Variants in ARHGEF10L observed in about 807,000 individuals in gnomAD.
The protein encoded by ARHGEF10L is Rho guanine nucleotide exchange factor 10 like, also known as rho guanine nucleotide exchange factor 10-like protein.
ARHGEF10L carries 69 observed loss-of-function variants against 141.2 expected under a neutral mutation model. That is an observed-to-expected ratio of 0.49 (90% CI 0.40 to 0.60). ARHGEF10L has a LOEUF of 0.60. ARHGEF10L is among the 20% of genes least tolerant of loss of function. ARHGEF10L has a pLI of 0.00. For missense variants in ARHGEF10L, 1,482 were observed against 1,734.3 expected (o/e 0.85, Z 2.58); for synonymous variants, 711 against 718.5 (o/e 0.99, Z 0.17).
rs867220921 is a variant in ARHGEF10L at position 17,619,899 on chromosome 1, G to A, written c.942+454G>A. 1.3e-5 allele frequency among the ~76,000 whole-genome samples: 2 copies of A among 152,174 alleles called. No homozygotes were observed. The highest frequency in any genetic ancestry group is 2.1e-4 in the South Asian group (1 of 4,804). On this transcript the variant is annotated intron_variant, in intron 10 of 28. Transcript: ENST00000361221. The surrounding 1 kb of genome is among the most constrained non-coding windows in gnomAD (Gnocchi z 5.0). ...CAGGAACTGAGGCTCTTTAAGAATGGCTTCCTTGGCTGGGTGCGGTGGCTC... is the reference window on the plus strand; with the variant it reads ...CAGGAACTGAGGCTCTTTAAGAATGACTTCCTTGGCTGGGTGCGGTGGCTC...
At chr1:17,571,409 C>T (rs1316603269) in intron 1 of ARHGEF10L, among the ~76,000 whole-genome samples, 3 of 152,072 alleles carry the variant, frequency 2.0e-5, no homozygotes, top group Non-Finnish European at 2.9e-5. Flanking sequence ...GAATAGGAGA[C>T]AGGGACAGGA....
At position 17,624,000 on chromosome 1, in the gene ARHGEF10L, G is replaced by C. The variant is rs111509342; in HGVS notation, c.1201-387G>C. Among the ~76,000 whole-genome samples, 3 of 152,290 alleles carry C rather than the reference G, an allele frequency of 2.0e-5. No homozygotes were observed. Among genetic ancestry groups the C allele is most frequent in the African/African-American group, 7.2e-5 (3 of 41,566 alleles). On this transcript the variant is annotated intron_variant, in intron 12 of 28. Transcript: ENST00000361221. The surrounding 1 kb of genome is among the most constrained non-coding windows in gnomAD (Gnocchi z 4.7). ...AGAGGCCAGGAGCACTTTCCTTAAA[G>C]GTGGAGGGCAAGGGGCATTCGATTT...
At chr1:17,688,346 G>GC (rs1478112918) in intron 27 of ARHGEF10L, among the ~76,000 whole-genome samples, 1 of 152,178 alleles carries the variant, frequency 6.6e-6, no homozygotes, top group South Asian at 2.1e-4. Context: ...CTCACCAAAT[G>GC]CCCCCCAAGG....
intron 27 of ARHGEF10L, among the ~76,000 whole-genome samples, chr1:17,690,933 T>C (rs1194642600): frequency 6.6e-6 from 1 of 152,178 alleles, no homozygotes; most frequent in Admixed American, 6.5e-5. Flanking sequence ...ATTTTTTTCT[T>C]CCCCCACACC....
At chr1:17,680,111 A>T (rs1007633222) in intron 26 of ARHGEF10L, among the ~76,000 whole-genome samples, 2 of 138,416 alleles carry the variant, frequency 1.4e-5, no homozygotes, top group Admixed American at 7.2e-5. Flanking sequence ...GCCCCTGCCC[A>T]TCTGGGCCAC....
chr1:17,657,862 C>A (rs1238683154), intron 25 of ARHGEF10L, among the ~76,000 whole-genome samples: 1 of 152,210 alleles, frequency 6.6e-6, no homozygotes, highest in Non-Finnish European at 1.5e-5. Flanking sequence ...CGCTCTGGTC[C>A]CCAGCTTGGG....
chr1:17,639,876 C>A lies in ARHGEF10L; in HGVS notation c.2172-326C>A. ...TAAGGTGTCTAAGACCTGTGGACAG[C>A]TGACCGCTGACCAGGTGGAGTCACA... On this transcript the variant is annotated intron_variant, in intron 20 of 28. Coordinates refer to ENST00000361221, the MANE Select transcript of ARHGEF10L (RefSeq NM_018125.4). The surrounding 1 kb of genome is among the most constrained non-coding windows in gnomAD (Gnocchi z 4.3). The A allele has an allele frequency of 7.1e-7, 1 of 1,399,536 alleles. No homozygotes were observed. Among genetic ancestry groups the A allele is most frequent in the Non-Finnish European group, 9.4e-7 (1 of 1,059,918 alleles). The allele number at this position is 1,399,536 out of a possible 1,614,324, so 86.7% of individuals were successfully genotyped here. A position where few individuals can be genotyped will look rare whatever the true frequency, so the allele number is the denominator to read the frequency against.
chr1:17,590,051 C>G (rs2079397991), intron 4 of ARHGEF10L, among the ~76,000 whole-genome samples: 1 of 152,100 alleles, frequency 6.6e-6, no homozygotes, highest in South Asian at 2.1e-4. Flanking sequence ...CACTCACTTC[C>G]TTCAAGCTAC....
rs746974532 is a variant in ARHGEF10L at position 17,697,011 on chromosome 1, C to T, written c.3471C>T (p.Pro1157=). Residue 1157 remains proline, a synonymous_variant, in exon 29 of 29, where the codon CCC becomes CCT. Coordinates refer to ENST00000361221, the MANE Select transcript of ARHGEF10L (RefSeq NM_018125.4). The surrounding 1 kb of genome is among the most constrained non-coding windows in gnomAD (Gnocchi z 4.8). ...KPDGQAHEPM[P]DSHVGRELTR... ...ACGGGCAGGCACACGAGCCCATGCC[C>T]GATAGCCACGTGGGCCGAGAGCTGA... is the stretch of plus-strand genomic sequence containing the variant. 37 of 1,609,102 alleles carry T rather than the reference C, an allele frequency of 2.3e-5. No individual in the cohort carries two copies. The highest frequency in any genetic ancestry group is 9.9e-5 in the South Asian group (9 of 90,468).
intron 1 of ARHGEF10L, among the ~76,000 whole-genome samples, chr1:17,579,757 A>G (rs1023252114): frequency 1.3e-5 from 2 of 152,196 alleles, no homozygotes; most frequent in Non-Finnish European, 2.9e-5. Context: ...TCTCCTCCAC[A>G]AGATGTCTAG....
At chr1:17,540,879 G>A (rs1248041243) in intron 1 of ARHGEF10L, among the ~76,000 whole-genome samples, 2 of 152,150 alleles carry the variant, frequency 1.3e-5, no homozygotes, top group African/African-American at 2.4e-5. Context: ...GGGGAGAGAG[G>A]GCAGGTTGTG....
At chr1:17,652,293 G>A (rs534958785) in intron 22 of ARHGEF10L, among the ~76,000 whole-genome samples, 4 of 152,272 alleles carry the variant, frequency 2.6e-5, no homozygotes, top group South Asian at 2.1e-4. Context: ...CCCTGCCCAC[G>A]CTGGGCCACA....
chr1:17,537,038 TTTTTATTTTA>T (rs149201327), upstream of ARHGEF10L, among the ~76,000 whole-genome samples: 3 of 147,678 alleles, frequency 2.0e-5, no homozygotes, highest in Non-Finnish European at 4.5e-5. Flanking sequence ...TCTGGCTAGA[TTTTTATTTTA>T]TTTTATTTTA....
intron 7 of ARHGEF10L, among the ~76,000 whole-genome samples, chr1:17,608,692 T>C (rs1259955300): frequency 1.3e-5 from 2 of 152,308 alleles, no homozygotes; most frequent in East Asian, 3.9e-4. Flanking sequence ...TGTCTGTCCG[T>C]GCTGAGATTT....
At chr1:17,588,299 G>T in intron 3 of ARHGEF10L, 147 bp from the exon 4 acceptor site, 1 of 765,902 alleles carries the variant, frequency 1.3e-6, no homozygotes, top group Non-Finnish European at 2.2e-6. Flanking sequence ...CAGGGCTGGG[G>T]GAGGGAGGCG....
chr1:17,612,516 A>C (rs956479101), intron 7 of ARHGEF10L, among the ~76,000 whole-genome samples: 3 of 151,776 alleles, frequency 2.0e-5, no homozygotes, highest in East Asian at 3.9e-4. Context: ...CTACCCATCC[A>C]CCTGCCTGTC....
chr1:17,665,632 G>C (rs1009336276), intron 26 of ARHGEF10L, among the ~76,000 whole-genome samples: 1 of 152,210 alleles, frequency 6.6e-6, no homozygotes, highest in African/African-American at 2.4e-5. Context: ...GGCTCCCGTG[G>C]GAGCACGAGG....
chr1:17,566,178 G>A (rs1369932779), intron 1 of ARHGEF10L, among the ~76,000 whole-genome samples: 1 of 152,250 alleles, frequency 6.6e-6, no homozygotes, highest in Middle Eastern at 3.4e-3. Context: ...TCCCAACCTC[G>A]ATCCATTGAC....
At position 17,648,319 on chromosome 1, in the gene ARHGEF10L, G is replaced by A. The variant is rs566306409; in HGVS notation, c.2273-235G>A. On this transcript the variant is annotated intron_variant, in intron 21 of 28. Coordinates refer to ENST00000361221, the MANE Select transcript of ARHGEF10L (RefSeq NM_018125.4). ...GGTGACTGGCACAGGGTTGTTCAGCGGTAGGGTGGTCAAGCTGGGACCTTG... is the reference window on the plus strand; with the variant it reads ...GGTGACTGGCACAGGGTTGTTCAGCAGTAGGGTGGTCAAGCTGGGACCTTG... Among the ~76,000 whole-genome samples, 19 of 152,340 alleles carry A rather than the reference G, an allele frequency of 1.2e-4. No homozygotes were observed. The South Asian group carries it at 2.3e-3, about 18-fold the overall frequency.
Sources: gnomAD v4.1 joint callset for allele counts (sites outside exome capture counted in the v4.1 genomes callset) on GRCh38, gnomAD v4.1.1 for gene constraint, Gnocchi (gnomAD v3.1) non-coding constraint, MANE v1.5 for transcripts, NCBI Gene and HGNC (gene_info 2026-07-23, HGNC 2026-07-21) for gene names.